NTM: variants seen among roughly 807,000 people sequenced by gnomAD.
NTM encodes the protein neurotrimin, also known as IgLON family member 2.
Under a neutral mutation model 42.1 loss-of-function variants are expected in NTM, and 13 were observed. That is an observed-to-expected ratio of 0.31 (90% CI 0.20 to 0.49). NTM has a LOEUF of 0.49. NTM is among the 20% of genes least tolerant of loss of function. The pLI is 0.99. For synonymous variants in NTM, 187 were observed against 179.2 expected, an observed-to-expected ratio of 1.04 and a Z score of -0.35; for missense variants, 373 against 452.8, an observed-to-expected ratio of 0.82 and a Z score of 1.60.
intron 1 of NTM, among the ~76,000 whole-genome samples, chr11:131,645,325 G>A (rs552078083): frequency 5.3e-5 from 8 of 152,234 alleles, no homozygotes; most frequent in South Asian, 2.1e-4. Flanking sequence ...TCTCCTCGCC[G>A]TGCGTTTGCT....
intron 1 of NTM, among the ~76,000 whole-genome samples, chr11:131,782,953 A>G (rs1416286065): frequency 6.6e-6 from 1 of 152,174 alleles, no homozygotes; most frequent in Non-Finnish European, 1.5e-5. Flanking sequence ...CACCACTGCT[A>G]TCTGTTATTA....
chr11:131,580,099 A>G (rs931753084), intron 1 of NTM, among the ~76,000 whole-genome samples: 3 of 152,076 alleles, frequency 2.0e-5, no homozygotes, highest in Non-Finnish European at 4.4e-5. Context: ...ATCTGTGTGG[A>G]TTGGCAGCCA....
chr11:131,830,520 G>A (rs2042689387), intron 1 of NTM, among the ~76,000 whole-genome samples: 1 of 152,088 alleles, frequency 6.6e-6, no homozygotes, highest in African/African-American at 2.4e-5. Context: ...TGTTCCATTG[G>A]TCTATATGTC....
chr11:132,110,677 A>G (rs1030745782), intron 2 of NTM, among the ~76,000 whole-genome samples: 19 of 152,170 alleles, frequency 1.2e-4, no homozygotes, highest in African/African-American at 4.6e-4. Context: ...ATGAATCAAC[A>G]CAGAGTTTTT....
chr11:132,118,980 C>T (rs768126393), intron 2 of NTM, among the ~76,000 whole-genome samples: 7 of 152,080 alleles, frequency 4.6e-5, no homozygotes, highest in Admixed American at 6.5e-5. Context: ...ATAGTAGAAG[C>T]GCCTCTCCCC....
At chr11:131,974,593 T>A (rs547056420) in intron 2 of NTM, among the ~76,000 whole-genome samples, 8 of 152,292 alleles carry the variant, frequency 5.3e-5, no homozygotes, top group African/African-American at 1.9e-4. Context: ...TGAAAAGAGA[T>A]TAGAAGATGT....
rs55915027 is a variant in NTM at position 131,440,816 on chromosome 11, T to TAAAAAA, written c.82+69971_82+69976dup. 2.5e-3 allele frequency among the ~76,000 whole-genome samples: 107 copies of TAAAAAA among 42,920 alleles called. 19 individuals carry two copies. The highest frequency in any genetic ancestry group is 0.019 in the Middle Eastern group (1 of 54). 28.2% of individuals were successfully genotyped at this position (42,920 alleles called of 152,430 possible). A position where few individuals can be genotyped will look rare whatever the true frequency, so the allele number is the denominator to read the frequency against. On this transcript the variant is annotated intron_variant, in intron 1 of 8. Coordinates refer to ENST00000683400, the MANE Select transcript of NTM (RefSeq NM_001352005.2). ...GTGCCACCCCTCACCACAGCCTCCA[T>TAAAAAA]AAAAAAAAAAAAAAAAAAAAAAAAA...
intron 1 of NTM, among the ~76,000 whole-genome samples, chr11:131,855,515 G>A (rs1452090300): frequency 6.6e-6 from 1 of 152,102 alleles, no homozygotes; most frequent in African/African-American, 2.4e-5. Context: ...AAAAAACAAA[G>A]CTTTCTTTTG....
At chr11:132,273,154 G>T (rs2093561880) in intron 4 of NTM, among the ~76,000 whole-genome samples, 1 of 151,818 alleles carries the variant, frequency 6.6e-6, no homozygotes, top group South Asian at 2.1e-4. Context: ...TGCATCTCTT[G>T]AGATTATTGT....
At chr11:131,902,669 G>A (rs1402509660) in intron 1 of NTM, among the ~76,000 whole-genome samples, 1 of 152,098 alleles carries the variant, frequency 6.6e-6, no homozygotes, top group Non-Finnish European at 1.5e-5. Flanking sequence ...TATATGTTTG[G>A]TGTGGAAATG....
chr11:131,678,014 AC>A (rs2071734839), intron 1 of NTM, among the ~76,000 whole-genome samples: 1 of 152,136 alleles, frequency 6.6e-6, no homozygotes, highest in Admixed American at 6.5e-5. Context: ...CTCCAGAGTC[AC>A]CCTTCCCTCC....
intron 7 of NTM, among the ~76,000 whole-genome samples, chr11:132,319,259 CAGACAGTAGGTGCA>C (rs550883001): frequency 2.4e-4 from 37 of 152,278 alleles, no homozygotes; most frequent in African/African-American, 8.7e-4. Flanking sequence ...TGGGGAGTGC[CAGACAGTAGGTGCA>C]GGACAGTGGG....
chr11:131,658,145 C>CT (rs1334295062), intron 1 of NTM, among the ~76,000 whole-genome samples: 2 of 152,138 alleles, frequency 1.3e-5, no homozygotes, highest in Non-Finnish European at 2.9e-5. Context: ...CAGTCTCTCC[C>CT]AGGGCTAGGA....
chr11:131,465,784 C>T (rs1024636291), intron 1 of NTM, among the ~76,000 whole-genome samples: 13 of 152,238 alleles, frequency 8.5e-5, no homozygotes, highest in Non-Finnish European at 1.9e-4. Flanking sequence ...TCCCAAAGCT[C>T]GGTTCTGCAG....
In NTM at chr11:131,995,322, C is replaced by G. The variant is rs148646120; in HGVS notation, c.167+83674C>G. Among the ~76,000 whole-genome samples, 432 of 152,254 alleles carry G rather than the reference C, an allele frequency of 2.8e-3. 5 individuals are homozygous for G. Among genetic ancestry groups the G allele is most frequent in the African/African-American group, 9.0e-3 (372 of 41,562 alleles). ...GTGCTAGGATGCAAGCACCCTTGCT[C>G]TGATGGGACTGCCATTCTACTGCAG... On this transcript the variant is annotated intron_variant, in intron 2 of 8. Transcript: ENST00000683400.
intron 1 of NTM, among the ~76,000 whole-genome samples, chr11:131,616,683 C>G (rs1423425582): frequency 6.6e-6 from 1 of 151,768 alleles, no homozygotes; most frequent in Non-Finnish European, 1.5e-5. Flanking sequence ...GGTGACTGAG[C>G]CAATCAGCTC....
intron 2 of NTM, among the ~76,000 whole-genome samples, chr11:131,973,157 T>C (rs1455064973): frequency 3.9e-5 from 6 of 152,220 alleles, no homozygotes; most frequent in African/African-American, 1.4e-4. Context: ...TCTATAGTCA[T>C]GTCACCAGGG....
At chr11:131,740,255 C>T (rs181045506) in intron 1 of NTM, among the ~76,000 whole-genome samples, 4 of 152,194 alleles carry the variant, frequency 2.6e-5, no homozygotes, top group East Asian at 1.9e-4. Flanking sequence ...CCATGTGCCT[C>T]GATTTCCACA....
chr11:131,509,753 C>A (rs1264941379), intron 1 of NTM, among the ~76,000 whole-genome samples: 1 of 152,194 alleles, frequency 6.6e-6, no homozygotes, highest in Non-Finnish European at 1.5e-5. Context: ...GGTTGGGATT[C>A]TAATTCTTTC....
Sources: gnomAD v4.1 joint callset for allele counts (sites outside exome capture counted in the v4.1 genomes callset) on GRCh38, gnomAD v4.1.1 for gene constraint, MANE v1.5 for transcripts, NCBI Gene and HGNC (gene_info 2026-07-23, HGNC 2026-07-21) for gene names.